The following CRTC1 variants were observed in gnomAD, a reference collection of about 807,000 sequenced individuals.
The protein encoded by CRTC1 is CREB-regulated transcription coactivator 1.
In CRTC1, 18 loss-of-function variants were observed where a neutral mutation model predicts 66.1. That is an observed-to-expected ratio of 0.27 (90% CI 0.19 to 0.40). CRTC1 has a LOEUF of 0.40. Among genes scored for constraint, CRTC1 ranks in the 10% least tolerant of loss-of-function variants. CRTC1 has a pLI of 1.00. For missense variants in CRTC1, 669 were observed against 887.9 expected (o/e 0.75, Z 3.13); for synonymous variants, 416 against 398.8 (o/e 1.04, Z -0.51).
chr19:18,706,887 C>T (rs529805212), intron 1 of CRTC1, among the ~76,000 whole-genome samples: 4 of 151,868 alleles, frequency 2.6e-5, no homozygotes, highest in African/African-American at 9.7e-5. Flanking sequence ...GGTTGTTTTT[C>T]TTTTTGTTGG....
chr19:18,778,436 G>A lies in CRTC1; in HGVS notation c.*1054G>A, dbSNP rs988093818. 20 of 231,950 alleles carry A rather than the reference G, an allele frequency of 8.6e-5. 1 individual carries two copies. The highest frequency in any genetic ancestry group is 1.7e-4 in the Admixed American group (3 of 17,764). The allele number at this position is 231,950 out of a possible 1,614,324, so 14.4% of individuals were successfully genotyped here. A position where few individuals can be genotyped will look rare whatever the true frequency, so the allele number is the denominator to read the frequency against. On this transcript the variant is annotated 3_prime_UTR_variant, in exon 14 of 14. Transcript: ENST00000321949. ...AGCTAACTGGAAATGGAGGCCATGCGCCCCAAAGCAGCCCGCCACCCACCT... is the reference window on the plus strand; with the variant it reads ...AGCTAACTGGAAATGGAGGCCATGCACCCCAAAGCAGCCCGCCACCCACCT...
chr19:18,697,350 C>CT (rs1191089261), intron 1 of CRTC1, among the ~76,000 whole-genome samples: 6 of 151,122 alleles, frequency 4.0e-5, no homozygotes, highest in East Asian at 1.9e-4. Context: ...TGGGAGGCCT[C>CT]TTTTTTTTTG....
Position 18,765,438 on chromosome 19 carries a change from C to G in CRTC1, c.921C>G (p.Arg307=). Residue 307 remains arginine (R), a synonymous_variant, in exon 9 of 14, where the codon CGC becomes CGG. Coordinates refer to ENST00000321949, the MANE Select transcript of CRTC1 (RefSeq NM_015321.3). ...CACCTGGCTCCTCTCCACAGCACCGCCCAGCTGGCGTCAGCCCCCTGTCCC... is the reference window on the plus strand; with the variant it reads ...CACCTGGCTCCTCTCCACAGCACCGGCCAGCTGGCGTCAGCCCCCTGTCCC... ...MSTPGSSPQH[R]PAGVSPLSLS... The G allele has an allele frequency of 6.2e-7, 1 of 1,613,134 alleles. No individual in the cohort carries two copies. The highest frequency in any genetic ancestry group is 8.5e-7 in the Non-Finnish European group (1 of 1,179,854).
At chr19:18,692,002 C>T (rs533442023) in intron 1 of CRTC1, among the ~76,000 whole-genome samples, 6 of 152,170 alleles carry the variant, frequency 3.9e-5, no homozygotes, top group South Asian at 2.1e-4. Context: ...TGTGAGCCAC[C>T]GCGCTCGGTC....
intron 11 of CRTC1, among the ~76,000 whole-genome samples, chr19:18,772,801 G>A (rs1356610854): frequency 6.6e-6 from 1 of 152,208 alleles, no homozygotes; most frequent in African/African-American, 2.4e-5. Flanking sequence ...TGGTCTGCCC[G>A]CACTGGCTCT....
At chr19:18,746,946 C>G in intron 3 of CRTC1, 107 bp from the exon 4 acceptor site, 1 of 1,038,070 alleles carries the variant, frequency 9.6e-7, no homozygotes, top group Non-Finnish European at 1.5e-6. Flanking sequence ...GTTTGCAGGC[C>G]TCAGGCCGAC....
At chr19:18,706,083 C>G (rs547483708) in intron 1 of CRTC1, among the ~76,000 whole-genome samples, 37 of 145,150 alleles carry the variant, frequency 2.5e-4, no homozygotes, top group Admixed American at 1.6e-3. Flanking sequence ...GTTGAAAAGA[C>G]CATCCTTTTC....
intron 1 of CRTC1, among the ~76,000 whole-genome samples, chr19:18,717,262 G>C (rs2053530007): frequency 1.3e-5 from 2 of 152,030 alleles, no homozygotes; most frequent in African/African-American, 4.8e-5. Flanking sequence ...GGAGGGCCCA[G>C]GGGAAGTCTT....
rs983106982 is a variant in CRTC1, at chr19:18,753,061, C to T, written c.539-439C>T. 1.1e-4 allele frequency among the ~76,000 whole-genome samples: 17 copies of T among 151,552 alleles called. No individual in the cohort carries two copies. The East Asian group carries it at 3.3e-3, about 30-fold the overall frequency. ...CGGGCGGATCATGAGGTCAGGAGAT[C>T]GAGACCATCCTGGCTAACACAGTGA... On this transcript the variant is annotated intron_variant, in intron 5 of 13. Coordinates refer to ENST00000321949, the MANE Select transcript of CRTC1 (RefSeq NM_015321.3).
chr19:18,760,090 A>G lies in CRTC1; in HGVS notation c.748A>G (p.Thr250Ala). The G allele has an allele frequency of 6.2e-7, 1 of 1,613,658 alleles. No individual in the cohort carries two copies. Among genetic ancestry groups the G allele is most frequent in the Middle Eastern group, 1.7e-4 (1 of 6,060 alleles). Residue 250 changes from threonine to alanine, a missense_variant, in exon 8 of 14, where the codon ACC (threonine) becomes GCC (alanine). By Grantham distance (58) the Thr-to-Ala change is moderately conservative (BLOSUM62 0). This residue lies in a region of CRTC1 where 214 missense variants were observed against 323.4 expected (regional missense o/e 0.66). Transcript: ENST00000321949. This position sits in a 1 kb window ranked among gnomAD's most constrained non-coding sequence, Gnocchi z 6.2. ...HNTGGSLPDLTNIHFPSPLPT... is the reference protein window; with the variant it reads ...HNTGGSLPDLANIHFPSPLPT... ...CACAGGGGGGTCCCTGCCCGACCTG[A>G]CCAACATCCACTTCCCCTCCCCGCT...
intron 1 of CRTC1, among the ~76,000 whole-genome samples, chr19:18,737,104 G>A (rs888038988): frequency 2.6e-5 from 4 of 152,154 alleles, no homozygotes; most frequent in African/African-American, 9.7e-5. Flanking sequence ...CTTCCTGGGC[G>A]GGGCAGGGGC....
chr19:18,736,004 G>A (rs2053988477), intron 1 of CRTC1, among the ~76,000 whole-genome samples: 1 of 152,202 alleles, frequency 6.6e-6, no homozygotes, highest in South Asian at 2.1e-4. Context: ...TGCCGTGGTG[G>A]GGCGGGAGCT....
intron 1 of CRTC1, among the ~76,000 whole-genome samples, chr19:18,707,948 G>A (rs1418865124): frequency 6.6e-6 from 1 of 152,260 alleles, no homozygotes; most frequent in Non-Finnish European, 1.5e-5. Flanking sequence ...TGCCATGAAG[G>A]GGGCTAACTC....
At chr19:18,689,970 C>T (rs1037804050) in intron 1 of CRTC1, among the ~76,000 whole-genome samples, 8 of 151,460 alleles carry the variant, frequency 5.3e-5, no homozygotes, top group Non-Finnish European at 1.0e-4. Flanking sequence ...GCATCCGCTG[C>T]AGGTGTCCAG....
chr19:18,716,886 C>T (rs1327545469), intron 1 of CRTC1, among the ~76,000 whole-genome samples: 4 of 151,800 alleles, frequency 2.6e-5, no homozygotes, highest in Non-Finnish European at 4.4e-5. Context: ...CCAGGTGGGG[C>T]ATGGGGGGTT....
intron 1 of CRTC1, among the ~76,000 whole-genome samples, chr19:18,708,295 T>C (rs1255885960): frequency 1.3e-5 from 2 of 152,046 alleles, no homozygotes; most frequent in Non-Finnish European, 2.9e-5. Context: ...CAGGATCAGC[T>C]TTGAGCTTTA....
At chr19:18,753,263 G>C (rs1023490242) in intron 5 of CRTC1, among the ~76,000 whole-genome samples, 3 of 149,516 alleles carry the variant, frequency 2.0e-5, no homozygotes, top group Admixed American at 6.7e-5. Flanking sequence ...GCGACAGAGC[G>C]AGACTCCGTC....
At position 18,782,198 on chromosome 19, in the gene CRTC1, C is replaced by T. The variant is rs1327988615; in HGVS notation, c.*4816C>T. The T allele has an allele frequency of 1.7e-5, 4 of 229,094 alleles. No individual in the cohort carries two copies. The highest frequency in any genetic ancestry group is 3.5e-5 in the Non-Finnish European group (4 of 115,486). 14.2% of individuals were successfully genotyped at this position (229,094 alleles called of 1,614,324 possible). A position where few individuals can be genotyped will look rare whatever the true frequency, so the allele number is the denominator to read the frequency against. ...ACGTCCCGTGGGCCATGATTGTGGG[C>T]GGCCGCAGCGGGCGGGGGCAGGCGG... is the stretch of plus-strand genomic sequence containing the variant. On this transcript the variant is annotated 3_prime_UTR_variant, in exon 14 of 14. Transcript: ENST00000321949.
At chr19:18,726,027 G>A (rs142829839) in intron 1 of CRTC1, among the ~76,000 whole-genome samples, 5 of 152,310 alleles carry the variant, frequency 3.3e-5, no homozygotes, top group South Asian at 2.1e-4. Flanking sequence ...CTCATGTACC[G>A]CGCCCTCGAT....
Sources: gnomAD v4.1 joint callset for allele counts (sites outside exome capture counted in the v4.1 genomes callset) on GRCh38, gnomAD v4.1.1 for gene constraint, gnomAD v4.1.1 regional missense constraint, Gnocchi (gnomAD v3.1) non-coding constraint, MANE v1.5 for transcripts, NCBI Gene and HGNC (gene_info 2026-07-23, HGNC 2026-07-21) for gene names.